The following ANKS1B variants were observed in gnomAD, a reference collection of about 807,000 sequenced individuals.
ANKS1B encodes the protein ankyrin repeat and sterile alpha motif domain-containing protein 1B.
ANKS1B carries 36 observed loss-of-function variants against 148.3 expected under a neutral mutation model. The ratio of observed to expected loss-of-function variants is 0.24; its 90% CI spans 0.19 to 0.32. ANKS1B has a LOEUF of 0.32. Ranked by LOEUF, ANKS1B falls within the 10% of genes least tolerant of loss-of-function variation. ANKS1B has a pLI of 1.00. For synonymous variants in ANKS1B, 542 were observed against 560.8 expected (o/e 0.97, Z 0.47); for missense variants, 1,157 against 1,542.6 (o/e 0.75, Z 4.19).
At chr12:99,286,706 G>A (rs1233431010) in intron 12 of ANKS1B, among the ~76,000 whole-genome samples, 1 of 152,168 alleles carries the variant, frequency 6.6e-6, no homozygotes, top group African/African-American at 2.4e-5. Flanking sequence ...AGGCCTGGCA[G>A]CATTCACCAC....
intron 8 of ANKS1B, among the ~76,000 whole-genome samples, chr12:99,705,692 G>A (rs910844638): frequency 2.6e-5 from 4 of 152,060 alleles, no homozygotes; most frequent in African/African-American, 9.7e-5. Context: ...CAGAAATCAA[G>A]ATATCCAACA....
chr12:99,732,979 TATC>T (rs909281793), intron 8 of ANKS1B, among the ~76,000 whole-genome samples: 8 of 151,946 alleles, frequency 5.3e-5, no homozygotes, highest in African/African-American at 1.9e-4. Flanking sequence ...TAAAAATAAT[TATC>T]ATACTATTTC....
At chr12:99,636,756 A>C (rs1002088555) in intron 9 of ANKS1B, among the ~76,000 whole-genome samples, 13 of 152,226 alleles carry the variant, frequency 8.5e-5, no homozygotes, top group African/African-American at 3.1e-4. Context: ...GTGCACGTCC[A>C]TGAATGAGAA....
chr12:99,610,013 C>T (rs969100368), intron 9 of ANKS1B, among the ~76,000 whole-genome samples: 1 of 152,078 alleles, frequency 6.6e-6, no homozygotes, highest in African/African-American at 2.4e-5. Context: ...GCCTCAGCCG[C>T]TCCACATTGA....
intron 9 of ANKS1B, among the ~76,000 whole-genome samples, chr12:99,587,036 T>C (rs2097649546): frequency 6.6e-6 from 1 of 152,182 alleles, no homozygotes; most frequent in Non-Finnish European, 1.5e-5. Flanking sequence ...TGATTGATTG[T>C]ACTCTATTAT....
chr12:99,654,205 A>G (rs1282711498), intron 9 of ANKS1B, among the ~76,000 whole-genome samples: 1 of 152,232 alleles, frequency 6.6e-6, no homozygotes, highest in African/African-American at 2.4e-5. Context: ...TGATCAAATT[A>G]TGATACAGAC....
intron 1 of ANKS1B, among the ~76,000 whole-genome samples, chr12:99,964,930 C>T (rs1347771932): frequency 1.3e-5 from 2 of 152,038 alleles, no homozygotes; most frequent in African/African-American, 4.8e-5. Context: ...TATAAGACGA[C>T]TTATCAAATA....
At chr12:99,578,755 T>C (rs1413137807) in intron 9 of ANKS1B, among the ~76,000 whole-genome samples, 1 of 152,128 alleles carries the variant, frequency 6.6e-6, no homozygotes, top group Non-Finnish European at 1.5e-5. Flanking sequence ...ATCAATATCA[T>C]TAAAATGGCC....
intron 17 of ANKS1B, among the ~76,000 whole-genome samples, chr12:98,838,245 T>G (rs530279051): frequency 1.3e-5 from 2 of 152,282 alleles, no homozygotes; most frequent in South Asian, 4.1e-4. Context: ...AATTCTATCA[T>G]CCTACAATTT....
intron 9 of ANKS1B, among the ~76,000 whole-genome samples, chr12:99,588,143 A>G (rs1472543620): frequency 6.9e-6 from 1 of 144,638 alleles, no homozygotes; most frequent in Non-Finnish European, 1.5e-5. Flanking sequence ...CTGGAAACAG[A>G]AAAAAAAAAC....
At chr12:99,441,421 T>G (rs1419414160) in intron 11 of ANKS1B, among the ~76,000 whole-genome samples, 1 of 151,870 alleles carries the variant, frequency 6.6e-6, no homozygotes, top group Non-Finnish European at 1.5e-5. Flanking sequence ...AGTATTTCCA[T>G]GTGAATATAC....
intron 8 of ANKS1B, among the ~76,000 whole-genome samples, chr12:99,683,892 T>C (rs1195173221): frequency 3.9e-5 from 6 of 152,034 alleles, no homozygotes; most frequent in African/African-American, 1.4e-4. Context: ...AGAAAAAGCA[T>C]TTGACAAAAT....
chr12:98,927,693 A>G (rs201380), intron 17 of ANKS1B, among the ~76,000 whole-genome samples: 62,742 of 151,620 alleles, frequency 0.41, 15,237 homozygotes, highest in African/African-American at 0.68. Context: ...TTGACGGTAA[A>G]TTGGTATTAA....
intron 17 of ANKS1B, chr12:98,895,291 T>C: frequency 1.0e-6 from 1 of 985,144 alleles, no homozygotes; most frequent in Non-Finnish European, 1.2e-6. Context: ...TCGGTTACTA[T>C]GGATATCTCG....
chr12:99,950,477 T>A (rs1468980903), intron 1 of ANKS1B, among the ~76,000 whole-genome samples: 1 of 152,120 alleles, frequency 6.6e-6, no homozygotes, highest in Non-Finnish European at 1.5e-5. Flanking sequence ...ATATTCGTAG[T>A]GTTTGCAACA....
chr12:99,579,398 A>G (rs2097548960), intron 9 of ANKS1B, among the ~76,000 whole-genome samples: 1 of 152,140 alleles, frequency 6.6e-6, no homozygotes, highest in South Asian at 2.1e-4. Flanking sequence ...ACACTATTCA[A>G]CAGAGTACAC....
chr12:99,651,279 G>C (rs1163720626), intron 9 of ANKS1B, among the ~76,000 whole-genome samples: 1 of 152,142 alleles, frequency 6.6e-6, no homozygotes, highest in Non-Finnish European at 1.5e-5. Flanking sequence ...TTCTAGCTTT[G>C]CGAATTTCAA....
At chr12:99,603,663 A>G (rs769868976) in intron 9 of ANKS1B, among the ~76,000 whole-genome samples, 1 of 152,126 alleles carries the variant, frequency 6.6e-6, no homozygotes, top group African/African-American at 2.4e-5. Context: ...TTCTGGAGGG[A>G]TACAGTAGAA....
chr12:99,225,971 C>T (rs894937680), intron 14 of ANKS1B, among the ~76,000 whole-genome samples: 2 of 152,196 alleles, frequency 1.3e-5, no homozygotes, highest in African/African-American at 4.8e-5. Flanking sequence ...TCTTTGTTCT[C>T]CTTTTTACAT....
Sources: gnomAD v4.1 joint callset for allele counts (sites outside exome capture counted in the v4.1 genomes callset) on GRCh38, gnomAD v4.1.1 for gene constraint, MANE v1.5 for transcripts, NCBI Gene and HGNC (gene_info 2026-07-23, HGNC 2026-07-21) for gene names.